Variants in SEMA3D observed in about 807,000 individuals in gnomAD.
SEMA3D encodes semaphorin-3D.
Under a neutral mutation model 100.1 loss-of-function variants are expected in SEMA3D, and 84 were observed. The observed-to-expected ratio is 0.84, with a 90% CI of 0.70 to 1.01. SEMA3D has a LOEUF of 1.01. SEMA3D is among the 50% of genes least tolerant of loss of function. SEMA3D has a pLI of 0.00. For missense variants in SEMA3D, 875 were observed against 934.1 expected (o/e 0.94, Z 0.82); for synonymous variants, 312 against 320.7 (o/e 0.97, Z 0.29).
Position 85,081,563 on chromosome 7 carries a change from GC to G in SEMA3D, c.328del (p.Ala110GlnfsTer10). On this transcript the variant is annotated frameshift_variant, in exon 5 of 19. Transcript: ENST00000284136. LOFTEE classifies it high-confidence loss of function. ...TTTACATAATTCCACCCGTTCCTTTGCAGCAGGCCAATAAATCTGCAAAACA... is the reference window on the plus strand; with the variant it reads ...TTTACATAATTCCACCCGTTCCTTTGAGCAGGCCAATAAATCTGCAAAACA... ...KNFKKIYWPA[A>X]KERVELCKLA... is the part of the protein sequence containing the mutation. 9 of 1,611,326 alleles carry G rather than the reference GC, an allele frequency of 5.6e-6. No homozygotes were observed. Among genetic ancestry groups the G allele is most frequent in the Non-Finnish European group, 7.6e-6 (9 of 1,177,806 alleles).
At chr7:85,078,356 C>CGGAA (rs942384142) in intron 5 of SEMA3D, among the ~76,000 whole-genome samples, 13 of 151,224 alleles carry the variant, frequency 8.6e-5, no homozygotes, top group Admixed American at 1.3e-4. Context: ...AGGAAGGGAA[C>CGGAA]GGAAGGAAGG....
intron 15 of SEMA3D, among the ~76,000 whole-genome samples, chr7:85,016,690 C>T (rs1483354340): frequency 2.6e-5 from 4 of 151,708 alleles, no homozygotes; most frequent in Non-Finnish European, 5.9e-5. Context: ...TCCACACTGC[C>T]ACACCAGACT....
chr7:85,045,765 C>T (rs1000602785), intron 9 of SEMA3D, among the ~76,000 whole-genome samples: 14 of 151,858 alleles, frequency 9.2e-5, no homozygotes, highest in Non-Finnish European at 1.9e-4. Context: ...TTATCAGAAA[C>T]TAAGATAATT....
the SEMA3D span, among the ~76,000 whole-genome samples, chr7:85,250,196 G>T: frequency 6.7e-6 from 1 of 148,750 alleles, no homozygotes; most frequent in Non-Finnish European, 1.5e-5. Flanking sequence ...ATTATAACCC[G>T]CACCTGGCTC....
chr7:85,091,517 T>C (rs1208530971), intron 4 of SEMA3D, among the ~76,000 whole-genome samples: 1 of 146,212 alleles, frequency 6.8e-6, no homozygotes, highest in Admixed American at 6.8e-5. Context: ...AAAAAAAGAG[T>C]GAGAAAGAGG....
At chr7:85,157,396 C>T (rs1304120167) in intron 1 of SEMA3D, among the ~76,000 whole-genome samples, 1 of 152,018 alleles carries the variant, frequency 6.6e-6, no homozygotes, top group Non-Finnish European at 1.5e-5. Flanking sequence ...AGACTAAATT[C>T]CTGGAAAGAT....
the SEMA3D span, among the ~76,000 whole-genome samples, chr7:85,233,234 C>G: frequency 6.7e-6 from 1 of 149,130 alleles, no homozygotes; most frequent in Admixed American, 6.6e-5. Flanking sequence ...CAACGGCTAG[C>G]GCGAATGAAA....
chr7:85,217,032 G>A, the SEMA3D span, among the ~76,000 whole-genome samples: 6 of 151,860 alleles, frequency 4.0e-5, no homozygotes, highest in Non-Finnish European at 1.5e-5. Flanking sequence ...TATTCCTAAT[G>A]CAAAATAGAG....
rs532913131 is a variant in SEMA3D at position 85,058,152 on chromosome 7, G to A, written c.719-2293C>T. 1.3e-4 allele frequency among the ~76,000 whole-genome samples: 20 copies of A among 151,886 alleles called. 1 individual carries two copies. The South Asian group carries it at 3.3e-3, about 25-fold the overall frequency. ...CCTGTTTTCTTTTGTTTGTTTTGTC[G>A]GTAATTTAGAGCTTCAATGGACTTT... On this transcript the variant is annotated intron_variant, in intron 8 of 18. Transcript: ENST00000284136.
chr7:85,039,418 T>C (rs929050079), intron 11 of SEMA3D, among the ~76,000 whole-genome samples: 2 of 152,050 alleles, frequency 1.3e-5, no homozygotes, highest in African/African-American at 4.8e-5. Context: ...CAACCACACC[T>C]GGCTAATTTT....
At chr7:85,157,051 G>T (rs1045459993) in intron 1 of SEMA3D, among the ~76,000 whole-genome samples, 2 of 152,098 alleles carry the variant, frequency 1.3e-5, no homozygotes, top group Admixed American at 1.3e-4. Context: ...AGTCTGACGT[G>T]CTTCAGGAAT....
intron 1 of SEMA3D, among the ~76,000 whole-genome samples, chr7:85,155,386 G>T (rs1342003693): frequency 6.6e-6 from 1 of 152,108 alleles, no homozygotes; most frequent in East Asian, 1.9e-4. Context: ...ATCCATTAGA[G>T]TTTAGTGTTT....
the SEMA3D span, among the ~76,000 whole-genome samples, chr7:85,230,413 A>G: frequency 6.6e-5 from 10 of 152,208 alleles, no homozygotes; most frequent in Non-Finnish European, 5.9e-5. Context: ...CATGGGATCA[A>G]TCCTTCAAGG....
At position 85,033,968 on chromosome 7, in the gene SEMA3D, G is replaced by T. The variant is rs114102966; in HGVS notation, c.1191+2921C>A. Among the ~76,000 whole-genome samples, 802 of 151,844 alleles carry T rather than the reference G, an allele frequency of 5.3e-3. 11 individuals carry two copies. The highest frequency in any genetic ancestry group is 0.018 in the African/African-American group (763 of 41,376). ...CATCATAGTGTAAGAACTAATAACT[G>T]GGAGTTATTGTAAGAACAATGACCT... On this transcript the variant is annotated intron_variant, in intron 12 of 18. Coordinates refer to ENST00000284136, the MANE Select transcript of SEMA3D (RefSeq NM_001384900.1).
At chr7:85,030,382 A>C (rs1023394889) in intron 12 of SEMA3D, among the ~76,000 whole-genome samples, 26 of 152,016 alleles carry the variant, frequency 1.7e-4, no homozygotes, top group African/African-American at 5.8e-4. Context: ...CAAAAAATGG[A>C]GACTTAGTTG....
In SEMA3D at chr7:85,099,800, C is replaced by T. The variant is rs151144325; in HGVS notation, c.152-1835G>A. Among the ~76,000 whole-genome samples the T allele has an allele frequency of 8.9e-3, 1,354 of 151,942 alleles. 24 individuals are homozygous for T. Among genetic ancestry groups the T allele is most frequent in the African/African-American group, 0.028 (1,154 of 41,448 alleles). ...ATATGATATGGAGAATCTTTTCATACGCTTATTTGCCATCTGTATATCTTC... is the reference window on the plus strand; with the variant it reads ...ATATGATATGGAGAATCTTTTCATATGCTTATTTGCCATCTGTATATCTTC... On this transcript the variant is annotated intron_variant, in intron 3 of 18. Transcript: ENST00000284136.
At chr7:85,068,942 G>A (rs116647206) in intron 6 of SEMA3D, among the ~76,000 whole-genome samples, 4 of 152,072 alleles carry the variant, frequency 2.6e-5, no homozygotes, top group Admixed American at 2.6e-4. Context: ...CAGACAGAAT[G>A]ACATTGGCAG....
rs2115682593 is a variant in SEMA3D at position 84,997,879 on chromosome 7, G to C, written c.*1561C>G. On this transcript the variant is annotated 3_prime_UTR_variant, in exon 19 of 19. Transcript: ENST00000284136. ...AGGGTTCTGTGTTACAAGAAGGAAA[G>C]GTGAGTTCTGCTTAAACAGACAGGA... 6.6e-6 allele frequency: 1 copy of C among 152,286 alleles called. No individual in the cohort carries two copies. Among genetic ancestry groups the C allele is most frequent in the East Asian group, 1.9e-4 (1 of 5,180 alleles). 9.4% of individuals were successfully genotyped at this position (152,286 alleles called of 1,614,324 possible). A position where few individuals can be genotyped will look rare whatever the true frequency, so the allele number is the denominator to read the frequency against.
At position 84,997,173 on chromosome 7, in the gene SEMA3D, A is replaced by C. The variant is rs975510970; in HGVS notation, c.*2267T>G. Reference sequence around the variant, plus strand: ...TAGGATTAGAAAGAAGTAACTAAAAAATGGTTTGGACATTCAAATTTGGAT... The same window carrying C: ...TAGGATTAGAAAGAAGTAACTAAAACATGGTTTGGACATTCAAATTTGGAT... On this transcript the variant is annotated 3_prime_UTR_variant, in exon 19 of 19. Coordinates refer to ENST00000284136, the MANE Select transcript of SEMA3D (RefSeq NM_001384900.1). 9 of 152,080 alleles carry C rather than the reference A, an allele frequency of 5.9e-5. No homozygotes were observed. The highest frequency in any genetic ancestry group is 1.2e-4 in the Non-Finnish European group (8 of 67,938). 9.4% of individuals were successfully genotyped at this position (152,080 alleles called of 1,614,324 possible). A position where few individuals can be genotyped will look rare whatever the true frequency, so the allele number is the denominator to read the frequency against.
Sources: allele counts gnomAD v4.1 joint callset (sites outside exome capture counted in the v4.1 genomes callset), GRCh38; gene constraint gnomAD v4.1.1; transcripts MANE v1.5; gene names NCBI Gene and HGNC (gene_info 2026-07-23, HGNC 2026-07-21).